The following ZNF324B variants were observed in gnomAD, a reference collection of about 807,000 sequenced individuals.
The protein encoded by ZNF324B is zinc finger protein 324B.
A neutral mutation model predicts 10.6 loss-of-function variants in ZNF324B; 7 were observed. The ratio of observed to expected loss-of-function variants is 0.66; its 90% CI spans 0.38 to 1.24. ZNF324B has a LOEUF of 1.24. ZNF324B is among the 50% of genes most tolerant of loss of function. The pLI, the probability that ZNF324B is intolerant of heterozygous loss-of-function variation, is 0.02. For missense variants in ZNF324B, 640 were observed against 764.7 expected (o/e 0.84, Z 1.92); for synonymous variants, 316 against 321.0 (o/e 0.98, Z 0.17).
chr19:58,453,871 C>T (rs759286196), intron 2 of ZNF324B, 49 bp downstream of exon 2: 2 of 1,589,400 alleles, frequency 1.3e-6, no homozygotes, highest in Non-Finnish European at 1.7e-6. Context: ...ACAATCAGGA[C>T]TGCCTCTTCA....
chr19:58,445,224 CAG>C, the ZNF324B span: 1 of 314,796 alleles, frequency 3.2e-6, no homozygotes, highest in Non-Finnish European at 6.1e-6. Context: ...GAATTCTCAT[CAG>C]AGAGGCCCAG....
At chr19:58,423,772 G>A in the ZNF324B span, among the ~76,000 whole-genome samples, 1 of 152,106 alleles carries the variant, frequency 6.6e-6, no homozygotes, top group African/African-American at 2.4e-5. Flanking sequence ...GATATTTACA[G>A]CCAACTGATT....
the ZNF324B span, among the ~76,000 whole-genome samples, chr19:58,423,750 GAAAT>G: frequency 6.6e-6 from 1 of 152,068 alleles, no homozygotes; most frequent in Non-Finnish European, 1.5e-5. Context: ...TGGAGACCCA[GAAAT>G]AAATCCAGAT....
chr19:58,434,670 G>A, the ZNF324B span: 2 of 1,614,236 alleles, frequency 1.2e-6, no homozygotes, highest in African/African-American at 1.3e-5. Flanking sequence ...TCTCTTCAGA[G>A]TGAGTTCTCA....
chr19:58,447,475 T>G (rs930441489), upstream of ZNF324B, among the ~76,000 whole-genome samples: 1 of 152,242 alleles, frequency 6.6e-6, no homozygotes, highest in African/African-American at 2.4e-5. Flanking sequence ...AATTAGCATT[T>G]TTCTAAGTAT....
chr19:58,449,540 C>A (rs1018117443), upstream of ZNF324B, among the ~76,000 whole-genome samples: 2 of 152,186 alleles, frequency 1.3e-5, no homozygotes, highest in African/African-American at 4.8e-5. Context: ...GAGGCTGTAC[C>A]CTGCAAAGCC....
chr19:58,450,440 G>C (rs1473312895), upstream of ZNF324B, among the ~76,000 whole-genome samples: 1 of 147,786 alleles, frequency 6.8e-6, no homozygotes, highest in Non-Finnish European at 1.5e-5. Flanking sequence ...ACTCCATCCT[G>C]GGTAAGAGAG....
chr19:58,438,712 A>T, the ZNF324B span, among the ~76,000 whole-genome samples: 1 of 150,388 alleles, frequency 6.6e-6, no homozygotes, highest in African/African-American at 2.5e-5. Context: ...TGACCTAGTG[A>T]TCCACCTGCC....
chr19:58,453,749 G>A lies in ZNF324B; in HGVS notation c.48G>A (p.Gly16=). ...TGTACTTCTCCCAGGAGGAGTGGGG[G>A]CTCCTGGACACAGCGCAGAGGGCCC... is the stretch of plus-strand genomic sequence containing the variant. ...VAVYFSQEEW[G]LLDTAQRALY... is the part of the protein sequence containing the mutation. Residue 16 remains glycine, a synonymous_variant, in exon 2 of 4, where the codon GGG becomes GGA. Coordinates refer to ENST00000336614, the MANE Select transcript of ZNF324B (RefSeq NM_207395.3). 2 of 1,614,182 alleles carry A rather than the reference G, an allele frequency of 1.2e-6. No individual in the cohort carries two copies. The highest frequency in any genetic ancestry group is 1.7e-5 in the Admixed American group (1 of 60,022).
At chr19:58,444,505 T>C in the ZNF324B span, 3 of 152,182 alleles carry the variant, frequency 2.0e-5, no homozygotes, top group South Asian at 6.2e-4. Context: ...ACCTAAATAG[T>C]TTTTGAAAAC....
the ZNF324B span, chr19:58,434,324 G>T: frequency 6.2e-7 from 1 of 1,614,212 alleles, no homozygotes. Flanking sequence ...CACTCAAAAG[G>T]CCTTTCTCCA....
At chr19:58,420,779 C>T in the ZNF324B span, among the ~76,000 whole-genome samples, 1 of 151,614 alleles carries the variant, frequency 6.6e-6, no homozygotes, top group Non-Finnish European at 1.5e-5. Context: ...GTGATCTCAG[C>T]ACACTGCAAC....
the ZNF324B span, chr19:58,443,597 A>T: frequency 6.6e-6 from 1 of 152,300 alleles, no homozygotes; most frequent in African/African-American, 2.4e-5. Context: ...CCCACCTGGA[A>T]TCGGAAGTCT....
upstream of ZNF324B, chr19:58,451,584 A>C (rs746848969): frequency 3.9e-6 from 2 of 516,724 alleles, no homozygotes; most frequent in Non-Finnish European, 7.7e-6. Flanking sequence ...TATTGGGGCA[A>C]TGTGAGCTCT....
At chr19:58,443,976 G>C in the ZNF324B span, 2 of 152,292 alleles carry the variant, frequency 1.3e-5, no homozygotes, top group Admixed American at 1.3e-4. Flanking sequence ...CAAATGAAGA[G>C]ACCTGGCTGG....
upstream of ZNF324B, chr19:58,451,529 A>G: frequency 2.0e-6 from 1 of 489,484 alleles, no homozygotes; most frequent in Non-Finnish European, 4.1e-6. Flanking sequence ...AAAAACAGGC[A>G]GGAACCACAT....
chr19:58,427,116 C>G, the ZNF324B span, among the ~76,000 whole-genome samples: 1 of 150,946 alleles, frequency 6.6e-6, no homozygotes, highest in East Asian at 1.9e-4. Flanking sequence ...TTTTTTTTTT[C>G]CTTTTTTATT....
chr19:58,427,216 T>TGCCTCCCAGGCTCAAGCAATTCTCC, the ZNF324B span, among the ~76,000 whole-genome samples: 2 of 151,720 alleles, frequency 1.3e-5, no homozygotes, highest in African/African-American at 4.8e-5. Context: ...CTGCAACCTC[T>TGCCTCCCAGGCTCAAGCAATTCTCC]GCCTCCCAGG....
the ZNF324B span, chr19:58,437,121 T>C: frequency 5.6e-6 from 9 of 1,614,038 alleles, no homozygotes; most frequent in Non-Finnish European, 7.6e-6. Flanking sequence ...ATCAAGGAGC[T>C]CCCACTCCTC....
Sources: gnomAD v4.1 joint callset for allele counts (sites outside exome capture counted in the v4.1 genomes callset) on GRCh38, gnomAD v4.1.1 for gene constraint, MANE v1.5 for transcripts, NCBI Gene and HGNC (gene_info 2026-07-23, HGNC 2026-07-21) for gene names.